Variants in FAM13B observed in about 807,000 individuals in gnomAD.
The protein encoded by FAM13B is family with sequence similarity 13 member B.
A neutral mutation model predicts 117.3 loss-of-function variants in FAM13B; 60 were observed. That is an observed-to-expected ratio of 0.51 (90% CI 0.42 to 0.63). The LOEUF (loss-of-function observed/expected upper bound fraction) is 0.63, where lower values mean the gene tolerates loss of function less well. Among genes scored for constraint, FAM13B ranks in the 30% least tolerant of loss-of-function variants. The probability of loss-of-function intolerance (pLI) is 0.00; values close to 1 mark genes in which losing one functional copy is unlikely to be tolerated. For missense variants in FAM13B, 972 were observed against 1,091.9 expected (o/e 0.89, Z 1.55); for synonymous variants, 332 against 356.1 (o/e 0.93, Z 0.76).
At position 137,956,500 on chromosome 5, in the gene FAM13B, A is replaced by T; in HGVS notation, c.1484T>A (p.Met495Lys). ...ITFPLIDFKT[M>K]HLQRDGEEPF... ...ACCCTCCCCATCTCTCTGCAGATGCATTGTTTTGAAATCAATGAGGGGAAA... is the reference window on the plus strand; with the variant it reads ...ACCCTCCCCATCTCTCTGCAGATGCTTTGTTTTGAAATCAATGAGGGGAAA... The change falls in exon 14 of 24, where the codon ATG becomes AAG. Residue 495 changes from methionine (M) to lysine (K), a missense_variant. Transcript: ENST00000689681. The T allele has an allele frequency of 6.2e-7, 1 of 1,601,788 alleles. No homozygotes were observed. Among genetic ancestry groups the T allele is most frequent in the Non-Finnish European group, 8.5e-7 (1 of 1,173,770 alleles).
chr5:137,985,259 G>C lies in FAM13B; in HGVS notation c.1177C>G (p.Gln393Glu), dbSNP rs1415609862. Residue 393 changes from glutamine (Q) to glutamate (E), a missense_variant and splice_region_variant, in exon 10 of 24, where the codon CAG becomes GAG. Gln to Glu is a conservative substitution (Grantham distance 29). Coordinates refer to ENST00000689681, the MANE Select transcript of FAM13B (RefSeq NM_001385994.1). ...DCVFENEENT[Q>E]SVGILLEPCS... ...CACATATTTTTGACATTCCTTACCT[G>C]GGTATTTTCTTCATTCTCAAATACA... 34 of 1,612,072 alleles carry C rather than the reference G, an allele frequency of 2.1e-5. No individual in the cohort carries two copies. The highest frequency in any genetic ancestry group is 2.7e-5 in the Non-Finnish European group (32 of 1,179,444).
At chr5:138,003,097 T>TA (rs1280727192) in intron 7 of FAM13B, among the ~76,000 whole-genome samples, 1 of 152,136 alleles carries the variant, frequency 6.6e-6, no homozygotes, top group Non-Finnish European at 1.5e-5. Flanking sequence ...GACACACCTA[T>TA]AAACAACTTC....
chr5:137,980,231 A>G (rs1432389949), intron 10 of FAM13B, among the ~76,000 whole-genome samples: 1 of 151,842 alleles, frequency 6.6e-6, no homozygotes, highest in African/African-American at 2.4e-5. Flanking sequence ...TATACTGTCC[A>G]AGTAAACAGG....
intron 10 of FAM13B, among the ~76,000 whole-genome samples, chr5:137,975,003 T>C (rs1470456776): frequency 1.7e-4 from 26 of 152,108 alleles, no homozygotes; most frequent in Admixed American, 1.7e-3. Flanking sequence ...TTTCTTACGG[T>C]TTTTTCTGGC....
chr5:137,987,644 G>A, intron 8 of FAM13B, 28 bp from the exon 9 acceptor site: 1 of 1,596,706 alleles, frequency 6.3e-7, no homozygotes, highest in Non-Finnish European at 8.5e-7. Context: ...TTAGTAAGAA[G>A]CAGTCACTCT....
At chr5:137,972,903 G>A (rs1772694772) in intron 10 of FAM13B, among the ~76,000 whole-genome samples, 1 of 151,608 alleles carries the variant, frequency 6.6e-6, no homozygotes, top group South Asian at 2.1e-4. Context: ...ACTTACAAGG[G>A]ATGTGAAGGA....
chr5:138,029,504 T>A lies in FAM13B; in HGVS notation c.-203+3278A>T, dbSNP rs182067849. On this transcript the variant is annotated intron_variant, in intron 1 of 23. Coordinates refer to ENST00000689681, the MANE Select transcript of FAM13B (RefSeq NM_001385994.1). ...AGAATATTTTACAACAGTAATAGTT[T>A]CAAAGTGATTCTACAACCAATCATA... Among the ~76,000 whole-genome samples, 220 of 152,340 alleles carry A rather than the reference T, an allele frequency of 1.4e-3. 1 individual carries two copies. Among genetic ancestry groups the A allele is most frequent in the Non-Finnish European group, 1.1e-3 (78 of 68,032 alleles).
chr5:138,021,220 T>G, intron 1 of FAM13B, 23 bp from the exon 2 acceptor site: 3 of 1,230,262 alleles, frequency 2.4e-6, no homozygotes, highest in Non-Finnish European at 3.0e-6. Context: ...AACAATTATT[T>G]CAATTTCCCA....
At chr5:138,036,996 C>T (rs1791230237), upstream of FAM13B, 1 of 199,242 alleles carries the variant, frequency 5.0e-6, no homozygotes, top group Non-Finnish European at 1.0e-5. Flanking sequence ...ACAGCCCCTA[C>T]AGCAAAGAAC....
chr5:138,031,699 A>C (rs976326957), intron 1 of FAM13B, among the ~76,000 whole-genome samples: 20 of 152,092 alleles, frequency 1.3e-4, no homozygotes, highest in Non-Finnish European at 2.4e-4. Flanking sequence ...AAAAAAAAAA[A>C]AGTAAGAAGG....
rs182345626 is a variant in FAM13B at position 138,010,190 on chromosome 5, G to A, written c.690+818C>T. 1.6e-4 allele frequency among the ~76,000 whole-genome samples: 24 copies of A among 152,100 alleles called. No individual in the cohort carries two copies. The East Asian group carries it at 2.9e-3, about 18-fold the overall frequency. On this transcript the variant is annotated intron_variant, in intron 6 of 23. Coordinates refer to ENST00000689681, the MANE Select transcript of FAM13B (RefSeq NM_001385994.1). ...CAGACAGTGTTTCACCATGTTGGCC[G>A]GGCTGGTCTCAAACCCCTGACCTCA...
At chr5:138,013,501 CA>C (rs376873284) in intron 4 of FAM13B, among the ~76,000 whole-genome samples, 66 of 137,532 alleles carry the variant, frequency 4.8e-4, no homozygotes, top group Non-Finnish European at 4.7e-4. Flanking sequence ...ACTCCATCTC[CA>C]AAAAAAAAAA....
intron 6 of FAM13B, among the ~76,000 whole-genome samples, chr5:138,010,106 C>A (rs6870157): frequency 2.6e-5 from 4 of 151,990 alleles, no homozygotes; most frequent in South Asian, 4.2e-4. Context: ...TCAGCCTCTC[C>A]AGTAGCTGGG....
intron 7 of FAM13B, among the ~76,000 whole-genome samples, chr5:137,991,853 G>GA (rs1778673775): frequency 1.3e-5 from 2 of 152,162 alleles, no homozygotes; most frequent in African/African-American, 4.8e-5. Flanking sequence ...GTTTACTTAG[G>GA]AAAAGATTTC....
chr5:138,006,454 C>T (rs1782600250), intron 7 of FAM13B, among the ~76,000 whole-genome samples: 1 of 152,184 alleles, frequency 6.6e-6, no homozygotes, highest in African/African-American at 2.4e-5. Flanking sequence ...CTCTTGAGTT[C>T]TCTAAAGCTT....
chr5:137,964,997 T>C (rs983463534), intron 10 of FAM13B, among the ~76,000 whole-genome samples: 4 of 151,792 alleles, frequency 2.6e-5, no homozygotes, highest in Non-Finnish European at 5.9e-5. Flanking sequence ...TGAAATCCCG[T>C]CTACTAAAAA....
At chr5:137,969,266 G>A (rs1465804007) in intron 10 of FAM13B, among the ~76,000 whole-genome samples, 6 of 152,322 alleles carry the variant, frequency 3.9e-5, no homozygotes, top group Admixed American at 3.9e-4. Flanking sequence ...GGAGATCTGA[G>A]AACGGGCAGA....
chr5:138,021,765 C>G (rs1341339056), intron 1 of FAM13B, among the ~76,000 whole-genome samples: 3 of 152,150 alleles, frequency 2.0e-5, no homozygotes, highest in Admixed American at 6.6e-5. Flanking sequence ...TTTGTAGACA[C>G]ATGATGGTGA....
chr5:138,011,409 A>G (rs1243798232), intron 5 of FAM13B, among the ~76,000 whole-genome samples: 1 of 151,962 alleles, frequency 6.6e-6, no homozygotes, highest in African/African-American at 2.4e-5. Context: ...TCCATTTCAC[A>G]TATCTAATTT....
Sources: gnomAD v4.1 joint callset for allele counts (sites outside exome capture counted in the v4.1 genomes callset) on GRCh38, gnomAD v4.1.1 for gene constraint, MANE v1.5 for transcripts, NCBI Gene and HGNC (gene_info 2026-07-23, HGNC 2026-07-21) for gene names.